Variants in NR1H3 observed in about 807,000 individuals in gnomAD.
The protein encoded by NR1H3 is oxysterols receptor LXR-alpha.
A neutral mutation model predicts 48.1 loss-of-function variants in NR1H3; 19 were observed. The observed-to-expected ratio is 0.40, with a 90% CI of 0.28 to 0.58. The LOEUF is 0.58. Ranked by LOEUF, NR1H3 falls within the 20% of genes least tolerant of loss-of-function variation. The pLI, the probability that NR1H3 is intolerant of heterozygous loss-of-function variation, is 0.50. For synonymous variants in NR1H3, 232 were observed against 227.3 expected, an observed-to-expected ratio of 1.02 and a Z score of -0.19; for missense variants, 486 against 595.9, an observed-to-expected ratio of 0.82 and a Z score of 1.92.
In NR1H3 at chr11:47,260,251, C is replaced by A. The variant is rs575328480; in HGVS notation, c.233-158C>A. ...TCATACAGTACCTAGAACATAATGG[C>A]ACTTGGCAAATGAGGGCTACTCTTC... On this transcript the variant is annotated intron_variant, in intron 3 of 9. Transcript: ENST00000441012. 34 of 1,021,256 alleles carry A rather than the reference C, an allele frequency of 3.3e-5. No homozygotes were observed. In the Admixed American group the frequency reaches 7.6e-4, roughly 23 times the overall value. The allele number at this position is 1,021,256 out of a possible 1,614,324, so 63.3% of individuals were successfully genotyped here. A position where few individuals can be genotyped will look rare whatever the true frequency, so the allele number is the denominator to read the frequency against.
chr11:47,258,794 T>C lies in NR1H3; in HGVS notation c.-37-386T>C, dbSNP rs138395745. 182 of 190,512 alleles carry C rather than the reference T, an allele frequency of 9.6e-4. 1 individual carries two copies. The East Asian group carries it at 0.023, about 24-fold the overall frequency. 11.8% of individuals were successfully genotyped at this position (190,512 alleles called of 1,614,324 possible). A position where few individuals can be genotyped will look rare whatever the true frequency, so the allele number is the denominator to read the frequency against. On this transcript the variant is annotated intron_variant, in intron 1 of 9. Coordinates refer to ENST00000441012, the MANE Select transcript of NR1H3 (RefSeq NM_005693.4). Reference sequence around the variant, plus strand: ...ATTGCACCTGTGAATAGCACTGAGTTCCAGCCTGGGCAACATAGAGAGACC... The same window carrying C: ...ATTGCACCTGTGAATAGCACTGAGTCCCAGCCTGGGCAACATAGAGAGACC...
rs529727885 is a variant in NR1H3, at chr11:47,259,310, C to T, written c.43+51C>T. 1.2e-4 allele frequency: 197 copies of T among 1,612,556 alleles called. 3 individuals carry two copies. In the South Asian group the frequency reaches 1.7e-3, roughly 14 times the overall value. On this transcript the variant is annotated intron_variant, in intron 2 of 9. Coordinates refer to ENST00000441012, the MANE Select transcript of NR1H3 (RefSeq NM_005693.4). The stretch of plus-strand genomic sequence containing the variant: ...CTGAGCCCAGACCGCAGGCTCCACG[C>T]CTCCTGTAGGAATCAGCCTCCTTCA...
At chr11:47,258,242 G>A in intron 1 of NR1H3, 113 bp downstream of exon 1, 1 of 971,910 alleles carries the variant, frequency 1.0e-6, no homozygotes, top group Non-Finnish European at 1.2e-6. Context: ...GAGGGGTGAT[G>A]GTGATGGAAG....
In NR1H3 at chr11:47,261,384, G is replaced by A. The variant is rs535109345; in HGVS notation, c.643G>A (p.Glu215Lys). The change falls in exon 5 of 10, where the codon GAG becomes AAG. Residue 215 changes from glutamate to lysine, a missense_variant. Physicochemically the swap from Glu to Lys is moderately conservative, Grantham distance 56. Coordinates refer to ENST00000441012, the MANE Select transcript of NR1H3 (RefSeq NM_005693.4). The stretch of plus-strand genomic sequence containing the variant: ...CAGCCCGGAACAACTGGGCATGATC[G>A]AGAAGCTCGTCGCTGCCCAGCAACA... ...QLSPEQLGMI[E>K]KLVAAQQQCN... 9.4e-5 allele frequency: 152 copies of A among 1,613,930 alleles called. No individual in the cohort carries two copies. The highest frequency in any genetic ancestry group is 1.3e-4 in the Non-Finnish European group (150 of 1,180,030).
At chr11:47,260,026 T>C in intron 3 of NR1H3, 47 bp downstream of exon 3, 7 of 1,429,208 alleles carry the variant, frequency 4.9e-6, no homozygotes, top group Non-Finnish European at 6.5e-6. Flanking sequence ...AGATTCCAGG[T>C]CCTGGATCTG....
chr11:47,260,797 T>C, intron 4 of NR1H3, 122 bp downstream of exon 4: 2 of 1,308,730 alleles, frequency 1.5e-6, no homozygotes, highest in Non-Finnish European at 2.1e-6. Flanking sequence ...TCCCAGTATC[T>C]TTCTTGACCG....
chr11:47,268,610 G>A lies in NR1H3; in HGVS notation c.1258G>A (p.Val420Ile), dbSNP rs1308847366. 1 of 1,614,172 alleles carries A rather than the reference G, an allele frequency of 6.2e-7. No homozygotes were observed. The highest frequency in any genetic ancestry group is 1.7e-5 in the Admixed American group (1 of 60,018). Residue 420 changes from valine to isoleucine, a missense_variant, in exon 10 of 10, where the codon GTC (valine) becomes ATC (isoleucine). Transcript: ENST00000441012. The part of the protein sequence containing the change: ...KLVSLRTLSS[V>I]HSEQVFALRL... The stretch of plus-strand genomic sequence containing the variant: ...GGTGAGCCTCCGGACCCTGAGCAGC[G>A]TCCACTCAGAGCAAGTGTTTGCACT...
chr11:47,260,327 A>G, intron 3 of NR1H3, 82 bp from the exon 4 acceptor site: 1 of 1,509,214 alleles, frequency 6.6e-7, no homozygotes, highest in Non-Finnish European at 8.9e-7. Flanking sequence ...AAGGTCACTG[A>G]GTGCCCAGGG....
chr11:47,260,293 G>C, intron 3 of NR1H3, 116 bp from the exon 4 acceptor site: 2 of 1,363,252 alleles, frequency 1.5e-6, no homozygotes, highest in Non-Finnish European at 2.0e-6. Context: ...AAGAGAGACT[G>C]GAGTTTGTAT....
chr11:47,250,781 T>C (rs1019365484), intron 1 of NR1H3, among the ~76,000 whole-genome samples: 2 of 152,250 alleles, frequency 1.3e-5, no homozygotes, highest in Non-Finnish European at 2.9e-5. Context: ...TCCTCTTACT[T>C]TACAGCTTAG....
intron 7 of NR1H3, among the ~76,000 whole-genome samples, chr11:47,263,691 C>T (rs1379456169): frequency 6.6e-6 from 1 of 151,482 alleles, no homozygotes; most frequent in East Asian, 1.9e-4. Context: ...CAACTTCTGC[C>T]TCCCGGATTC....
At chr11:47,257,911 C>G (rs551266632), upstream of NR1H3, 25 of 985,222 alleles carry the variant, frequency 2.5e-5, no homozygotes, top group African/African-American at 3.8e-4. Context: ...GCTGTGGTCA[C>G]CAGGCAGGAA....
At chr11:47,251,100 A>C (rs1185384275) in intron 1 of NR1H3, among the ~76,000 whole-genome samples, 1 of 152,086 alleles carries the variant, frequency 6.6e-6, no homozygotes, top group East Asian at 1.9e-4. Flanking sequence ...CGGAGCTTGC[A>C]GTGAGCGGAG....
rs147922801 is a variant in NR1H3, at chr11:47,261,316, T to G, written c.575T>G (p.Leu192Trp). 6.2e-7 allele frequency: 1 copy of G among 1,614,028 alleles called. No individual in the cohort carries two copies. Among genetic ancestry groups the G allele is most frequent in the Admixed American group, 1.7e-5 (1 of 59,988 alleles). Residue 192 changes from leucine to tryptophan, a missense_variant, in exon 5 of 10, where the codon TTG becomes TGG. Transcript: ENST00000441012. ...QEEEQAHATS[L>W]PPRASSPPQI... is the part of the protein sequence containing the mutation. Reference sequence around the variant, plus strand: ...GAGGAACAGGCTCATGCCACATCCTTGCCCCCCAGGGCTTCCTCACCCCCC... The same window carrying G: ...GAGGAACAGGCTCATGCCACATCCTGGCCCCCCAGGGCTTCCTCACCCCCC...
At chr11:47,265,040 T>C (rs1956314613) in intron 7 of NR1H3, among the ~76,000 whole-genome samples, 1 of 152,088 alleles carries the variant, frequency 6.6e-6, no homozygotes, top group African/African-American at 2.4e-5. Context: ...ACACCTGAAA[T>C]CCCAGCACTT....
chr11:47,249,073 C>T, intron 1 of NR1H3: 4 of 1,372,204 alleles, frequency 2.9e-6, no homozygotes, highest in Non-Finnish European at 2.9e-6. Context: ...TTCGCGTTTG[C>T]CTCTGCTCGG....
chr11:47,262,601 G>A (rs1228295123), intron 7 of NR1H3, among the ~76,000 whole-genome samples: 1 of 150,672 alleles, frequency 6.6e-6, no homozygotes, highest in Non-Finnish European at 1.5e-5. Flanking sequence ...TACAACCTCC[G>A]CCTCCCGGGT....
intron 4 of NR1H3, 35 bp from the exon 5 acceptor site, chr11:47,261,205 AT>A (rs745905802): frequency 1.8e-5 from 17 of 964,214 alleles, no homozygotes; most frequent in Admixed American, 6.8e-5. Context: ...TCCTTTCCCC[AT>A]CTGCTCCCTT....
At chr11:47,260,324 C>T in intron 3 of NR1H3, 85 bp from the exon 4 acceptor site, 1 of 1,506,828 alleles carries the variant, frequency 6.6e-7, no homozygotes. Flanking sequence ...ATGAAGGTCA[C>T]TGAGTGCCCA....
Sources: gnomAD v4.1 joint callset for allele counts (sites outside exome capture counted in the v4.1 genomes callset) on GRCh38, gnomAD v4.1.1 for gene constraint, MANE v1.5 for transcripts, NCBI Gene and HGNC (gene_info 2026-07-23, HGNC 2026-07-21) for gene names.